Variants in RP1 observed in about 807,000 individuals in gnomAD.
RP1 encodes the protein RP1 axonemal microtubule associated, also known as oxygen-regulated protein 1.
Under a neutral mutation model 14.8 loss-of-function variants are expected in RP1, and 16 were observed. The ratio of observed to expected loss-of-function variants is 1.08; its 90% CI spans 0.73 to 1.65. RP1 has a LOEUF of 1.65. Ranked by LOEUF, RP1 falls within the 40% of genes most tolerant of loss-of-function variation. RP1 has a pLI of 0.00. For missense variants in RP1, 2,631 were observed against 2,535.0 expected, an observed-to-expected ratio of 1.04 and a Z score of -0.81; for synonymous variants, 876 against 883.6, an observed-to-expected ratio of 0.99 and a Z score of 0.15.
intron 12 of RP1, among the ~76,000 whole-genome samples, chr8:54,686,371 T>G (rs1807563350): frequency 7.1e-6 from 1 of 140,780 alleles, no homozygotes; most frequent in African/African-American, 2.7e-5. Flanking sequence ...TGACTTACAA[T>G]TTTCACTCCA....
intron 7 of RP1, among the ~76,000 whole-genome samples, chr8:54,665,494 G>C (rs1250517824): frequency 1.3e-5 from 2 of 152,298 alleles, no homozygotes; most frequent in South Asian, 4.1e-4. Context: ...TTGAGAAGCA[G>C]CTGGAAAAGA....
In RP1 at chr8:54,589,403, A is replaced by G. The variant is rs184808314; in HGVS notation, c.-13+30083A>G. Among the ~76,000 whole-genome samples, 460 of 152,142 alleles carry G rather than the reference A, an allele frequency of 3.0e-3. 3 individuals are homozygous for G. Among genetic ancestry groups the G allele is most frequent in the Non-Finnish European group, 3.8e-3 (257 of 68,008 alleles). The stretch of plus-strand genomic sequence containing the variant: ...AAAAGCCAGACTCTCAGACTCTTGG[A>G]ATATAATGGTTTTTAAGAAATTCAT... On this transcript the variant is annotated intron_variant, in intron 1 of 22. Transcript: ENST00000636932.
At chr8:54,590,709 G>T (rs1470848566) in intron 1 of RP1, among the ~76,000 whole-genome samples, 1 of 152,112 alleles carries the variant, frequency 6.6e-6, no homozygotes, top group Non-Finnish European at 1.5e-5. Context: ...ATATTTATGT[G>T]GTTTAAAGTG....
rs754674310 is a variant in RP1, at chr8:54,626,313, A to G, written c.2431A>G (p.Lys811Glu). 6.2e-7 allele frequency: 1 copy of G among 1,613,480 alleles called. No individual in the cohort carries two copies. Residue 811 changes from lysine (K) to glutamate (E), a missense_variant, in exon 4 of 4, where the codon AAA becomes GAA. Transcript: ENST00000220676. ...TCCTCACAATGAATCTAAATATTGC[A>G]AAAGTACTTTTGAAAACAAAAGTTT... ...VFPHNESKYC[K>E]STFENKSLFH...
In RP1 at chr8:54,630,712, A is replaced by G. The variant is rs1806231405; in HGVS notation, c.*359A>G. The G allele has an allele frequency of 9.3e-7, 1 of 1,080,860 alleles. No homozygotes were observed. The highest frequency in any genetic ancestry group is 1.7e-5 in the African/African-American group (1 of 58,608). 67.0% of individuals were successfully genotyped at this position (1,080,860 alleles called of 1,614,324 possible). Reference sequence around the variant, plus strand: ...GTTGTTAGCTTGGTGTAAAATGTATATTGACTGTATTGGTGAATAAATTGA... The same window carrying G: ...GTTGTTAGCTTGGTGTAAAATGTATGTTGACTGTATTGGTGAATAAATTGA... On this transcript the variant is annotated 3_prime_UTR_variant, in exon 4 of 4. Coordinates refer to ENST00000220676, the MANE Select transcript of RP1 (RefSeq NM_006269.2).
At chr8:54,726,987 A>C (rs1238272418) in intron 17 of RP1, among the ~76,000 whole-genome samples, 1 of 152,110 alleles carries the variant, frequency 6.6e-6, no homozygotes, top group African/African-American at 2.4e-5. Context: ...AATATATGAT[A>C]TCTGACAAAT....
At chr8:54,672,304 G>T (rs1807198023) in intron 7 of RP1, among the ~76,000 whole-genome samples, 1 of 152,112 alleles carries the variant, frequency 6.6e-6, no homozygotes, top group Admixed American at 6.6e-5. Flanking sequence ...TGGATGTATG[G>T]TCCACTCTTT....
chr8:54,744,815 C>T (rs1342458557), intron 19 of RP1, among the ~76,000 whole-genome samples: 3 of 152,162 alleles, frequency 2.0e-5, no homozygotes, highest in Non-Finnish European at 4.4e-5. Flanking sequence ...ATATAGTCTT[C>T]TTAATCAGTA....
chr8:54,741,703 GTGTGTATATATA>G (rs1394915523), intron 19 of RP1, among the ~76,000 whole-genome samples: 56 of 87,742 alleles, frequency 6.4e-4, no homozygotes, highest in African/African-American at 3.1e-3. Context: ...ATACAAATGT[GTGTGTATATATA>G]TATATATATA....
At chr8:54,704,482 A>T (rs1251229992) in intron 14 of RP1, among the ~76,000 whole-genome samples, 1 of 152,208 alleles carries the variant, frequency 6.6e-6, no homozygotes, top group Admixed American at 6.5e-5. Flanking sequence ...ATCACAGATC[A>T]CCATAACAGT....
At chr8:54,670,404 G>A (rs1807127486) in intron 7 of RP1, among the ~76,000 whole-genome samples, 1 of 149,764 alleles carries the variant, frequency 6.7e-6, no homozygotes, top group South Asian at 2.1e-4. Flanking sequence ...TTTTGTAAAT[G>A]TTTGCTTTAT....
exon 9 of RP1, chr8:54,678,478 G>A: frequency 1.3e-6 from 2 of 1,534,562 alleles, no homozygotes; most frequent in Non-Finnish European, 1.7e-6. Context: ...TTGGTTTCTT[G>A]ATGATGTTGT....
At chr8:54,700,604 T>A (rs2129343167) in intron 13 of RP1, among the ~76,000 whole-genome samples, 1 of 152,304 alleles carries the variant, frequency 6.6e-6, no homozygotes, top group Admixed American at 6.5e-5. Context: ...ATATGGAATC[T>A]ACTCCATTGA....
chr8:54,707,643 G>A (rs1260418271), intron 15 of RP1, among the ~76,000 whole-genome samples: 1 of 152,192 alleles, frequency 6.6e-6, no homozygotes, highest in Non-Finnish European at 1.5e-5. Flanking sequence ...CTTCTTACCA[G>A]TCATGATGTC....
intron 27 of RP1, among the ~76,000 whole-genome samples, chr8:54,865,028 A>G (rs1812428064): frequency 6.6e-6 from 1 of 152,078 alleles, no homozygotes; most frequent in Non-Finnish European, 1.5e-5. Flanking sequence ...GTCATTTCCT[A>G]CATTTAGATG....
intron 19 of RP1, among the ~76,000 whole-genome samples, chr8:54,743,754 T>C (rs1809154901): frequency 6.6e-6 from 1 of 152,180 alleles, no homozygotes; most frequent in Non-Finnish European, 1.5e-5. Context: ...CAAGGAGCCC[T>C]AGTTTAATTT....
chr8:54,726,599 G>A, intron 17 of RP1: 1 of 937,378 alleles, frequency 1.1e-6, no homozygotes, highest in Non-Finnish European at 1.4e-6. Context: ...CACATGGACT[G>A]CTTGTAAGCT....
intron 7 of RP1, chr8:54,663,941 T>G (rs932339135): frequency 1.6e-6 from 2 of 1,236,514 alleles, no homozygotes; most frequent in African/African-American, 1.5e-5. Flanking sequence ...TAAGAGTTTT[T>G]AATTTCACAG....
rs1341906594 is a variant in RP1, at chr8:54,679,547, A to G, written c.1556-49A>G. 4.6e-6 allele frequency: 7 copies of G among 1,535,834 alleles called. No homozygotes were observed. In the Admixed American group the frequency reaches 9.8e-5, roughly 22 times the overall value. ...TGGAAAACTCTTTTATGATGACTGG[A>G]GAAAGCATGACACTTCTGAAATTAA... On this transcript the variant is annotated intron_variant, in intron 10 of 22. Coordinates refer to the RP1 transcript ENST00000636932.
Sources: allele counts gnomAD v4.1 joint callset (sites outside exome capture counted in the v4.1 genomes callset), GRCh38; gene constraint gnomAD v4.1.1; transcripts MANE v1.5; gene names NCBI Gene and HGNC (gene_info 2026-07-23, HGNC 2026-07-21).